The following PITPNM3 variants were observed in gnomAD, a reference collection of about 807,000 sequenced individuals.
PITPNM3 encodes membrane-associated phosphatidylinositol transfer protein 3.
Under a neutral mutation model 102.0 loss-of-function variants are expected in PITPNM3, and 26 were observed. The observed-to-expected ratio is 0.25, with a 90% CI of 0.19 to 0.35. The LOEUF (loss-of-function observed/expected upper bound fraction) is 0.35. Among genes scored for constraint, PITPNM3 ranks in the 10% least tolerant of loss-of-function variants. The pLI, the probability that PITPNM3 is intolerant of heterozygous loss-of-function variation, is 1.00. For missense variants in PITPNM3, 1,083 were observed against 1,346.1 expected, an observed-to-expected ratio of 0.80 and a Z score of 3.06; for synonymous variants, 578 against 558.6, an observed-to-expected ratio of 1.03 and a Z score of -0.49.
intron 3 of PITPNM3, among the ~76,000 whole-genome samples, chr17:6,522,288 A>G (rs74252203): frequency 0.052 from 836 of 15,998 alleles, 6 homozygotes; most frequent in Non-Finnish European, 0.073. Context: ...TAGTGTGCGC[A>G]CACACACACA....
intron 4 of PITPNM3, among the ~76,000 whole-genome samples, chr17:6,498,487 GTCTC>G (rs895305098): frequency 2.6e-5 from 4 of 152,218 alleles, no homozygotes; most frequent in African/African-American, 9.7e-5. Flanking sequence ...TCCTCCAAAG[GTCTC>G]TCTGACACGC....
In PITPNM3 at chr17:6,453,002, TTCTCTCTCTCTC is replaced by T. The variant is rs112833778; in HGVS notation, c.*2324_*2335del. On this transcript the variant is annotated 3_prime_UTR_variant, in exon 20 of 20. Coordinates refer to ENST00000262483, the MANE Select transcript of PITPNM3 (RefSeq NM_031220.4). ...CCTCTCTCTCTCTCTCTGTCTTCCT[TTCTCTCTCTCTC>T]TCTCTCTCTGCCTTCCTGTCTTTCT... 8.4e-6 allele frequency: 1 copy of T among 118,784 alleles called. No homozygotes were observed. Among genetic ancestry groups the T allele is most frequent in the African/African-American group, 3.2e-5 (1 of 31,396 alleles). 7.4% of individuals were successfully genotyped at this position (118,784 alleles called of 1,614,324 possible).
At chr17:6,499,544 C>T (rs925980895) in intron 4 of PITPNM3, among the ~76,000 whole-genome samples, 1 of 152,174 alleles carries the variant, frequency 6.6e-6, no homozygotes. Flanking sequence ...TTCATCATCA[C>T]ATGGGGACCA....
In PITPNM3 at chr17:6,537,912, C is replaced by A. The variant is rs767002811; in HGVS notation, c.118+75G>T. 14 of 1,260,212 alleles carry A rather than the reference C, an allele frequency of 1.1e-5. No individual in the cohort carries two copies. Among genetic ancestry groups the A allele is most frequent in the African/African-American group, 1.5e-5 (1 of 67,610 alleles). 78.1% of individuals were successfully genotyped at this position (1,260,212 alleles called of 1,614,324 possible). On this transcript the variant is annotated intron_variant, in intron 2 of 19. Coordinates refer to ENST00000262483, the MANE Select transcript of PITPNM3 (RefSeq NM_031220.4). The surrounding 1 kb of genome is among the most constrained non-coding windows in gnomAD (Gnocchi z 4.4). ...CGTCTGAGTGGGGAGGGATGCGGAC[C>A]CCCAAATGGGATCTTCTTCTTGAGG...
chr17:6,460,279 T>A (rs1467978789), intron 18 of PITPNM3, among the ~76,000 whole-genome samples: 2 of 152,212 alleles, frequency 1.3e-5, no homozygotes, highest in Non-Finnish European at 2.9e-5. Context: ...CCTGACAAAT[T>A]CATGCTTCAA....
chr17:6,507,352 G>A (rs1907590252), intron 3 of PITPNM3, among the ~76,000 whole-genome samples: 2 of 152,234 alleles, frequency 1.3e-5, no homozygotes, highest in Non-Finnish European at 2.9e-5. Context: ...GGGAGGCCAA[G>A]GTGGGTGGAC....
At chr17:6,546,481 C>T (rs775783907) in intron 1 of PITPNM3, among the ~76,000 whole-genome samples, 1 of 152,262 alleles carries the variant, frequency 6.6e-6, no homozygotes, top group African/African-American at 2.4e-5. Context: ...TCAACCTCAA[C>T]CATGGCCTCA....
chr17:6,456,937 G>A (rs1047088523), intron 19 of PITPNM3, among the ~76,000 whole-genome samples: 1 of 152,022 alleles, frequency 6.6e-6, no homozygotes, highest in Non-Finnish European at 1.5e-5. Flanking sequence ...ATGTCCTCTC[G>A]GCTTTTCTTT....
At chr17:6,509,793 A>T (rs1281981179) in intron 3 of PITPNM3, among the ~76,000 whole-genome samples, 2 of 151,998 alleles carry the variant, frequency 1.3e-5, no homozygotes, top group South Asian at 4.2e-4. Context: ...TCTCCTCCAC[A>T]TTGGCTTCTA....
rs58508424 is a variant in PITPNM3, at chr17:6,453,429, C to G, written c.*1909G>C. On this transcript the variant is annotated 3_prime_UTR_variant, in exon 20 of 20. Coordinates refer to ENST00000262483, the MANE Select transcript of PITPNM3 (RefSeq NM_031220.4). The stretch of plus-strand genomic sequence containing the variant: ...TGTGAAATGTTAAAGGGGGGATGGG[C>G]ACCTGTGAACCGCCAGGAGACAGGA... 5,637 of 152,574 alleles carry G rather than the reference C, an allele frequency of 0.037. 98 individuals are homozygous for G. Among genetic ancestry groups the G allele is most frequent in the South Asian group, 0.055 (266 of 4,822 alleles). 9.5% of individuals were successfully genotyped at this position (152,574 alleles called of 1,614,324 possible). A position where few individuals can be genotyped will look rare whatever the true frequency, so the allele number is the denominator to read the frequency against.
At chr17:6,545,336 G>A (rs140449177) in intron 1 of PITPNM3, among the ~76,000 whole-genome samples, 569 of 152,190 alleles carry the variant, frequency 3.7e-3, no homozygotes, top group Middle Eastern at 0.01. Flanking sequence ...TCTTTCATCC[G>A]TGGCAACTTC....
chr17:6,512,858 G>A (rs1056670270), intron 3 of PITPNM3, among the ~76,000 whole-genome samples: 3 of 152,118 alleles, frequency 2.0e-5, no homozygotes, highest in Non-Finnish European at 4.4e-5. Context: ...TTCCTTAAAT[G>A]ATAGCTCATA....
chr17:6,524,520 C>T (rs550250439), intron 3 of PITPNM3, among the ~76,000 whole-genome samples: 4 of 152,146 alleles, frequency 2.6e-5, no homozygotes, highest in Admixed American at 2.0e-4. Flanking sequence ...TCAGATTTTA[C>T]GACATCTTCA....
chr17:6,495,631 C>A (rs962061342), intron 4 of PITPNM3, among the ~76,000 whole-genome samples: 4 of 152,148 alleles, frequency 2.6e-5, no homozygotes, highest in Admixed American at 2.0e-4. Context: ...TCGTGCTCAC[C>A]GCTGTGGACG....
At chr17:6,534,998 G>A (rs1213568042) in intron 2 of PITPNM3, among the ~76,000 whole-genome samples, 2 of 152,170 alleles carry the variant, frequency 1.3e-5, no homozygotes, top group African/African-American at 4.8e-5. Context: ...TGCAGGAACT[G>A]TTGAAATAGA....
intron 10 of PITPNM3, among the ~76,000 whole-genome samples, chr17:6,473,747 C>T (rs1188012131): frequency 1.3e-5 from 2 of 152,014 alleles, no homozygotes; most frequent in African/African-American, 4.8e-5. Context: ...GAGGCCAAGG[C>T]GGGTGGATCA....
chr17:6,505,218 A>ATATATATATATATATATATATAT (rs1555556418), intron 3 of PITPNM3, among the ~76,000 whole-genome samples: 2 of 145,918 alleles, frequency 1.4e-5, no homozygotes, highest in African/African-American at 5.1e-5. Flanking sequence ...ATATATATGT[A>ATATATATATATATATATATATAT]AAGCCTTCAG....
At chr17:6,491,269 G>C (rs1906465987) in intron 4 of PITPNM3, among the ~76,000 whole-genome samples, 2 of 151,896 alleles carry the variant, frequency 1.3e-5, no homozygotes, top group East Asian at 3.9e-4. Flanking sequence ...CTGGGGAGGG[G>C]AACACACTGG....
At chr17:6,551,218 A>G (rs1176806606) in intron 1 of PITPNM3, among the ~76,000 whole-genome samples, 1 of 152,158 alleles carries the variant, frequency 6.6e-6, no homozygotes, top group Non-Finnish European at 1.5e-5. Flanking sequence ...TTAGCCGGGC[A>G]TGGTGGCAGT....
Sources: gnomAD v4.1 joint callset for allele counts (sites outside exome capture counted in the v4.1 genomes callset) on GRCh38, gnomAD v4.1.1 for gene constraint, Gnocchi (gnomAD v3.1) non-coding constraint, MANE v1.5 for transcripts, NCBI Gene and HGNC (gene_info 2026-07-23, HGNC 2026-07-21) for gene names.